The following ATP9A variants were observed in gnomAD, a reference collection of about 807,000 sequenced individuals.
ATP9A encodes the protein probable phospholipid-transporting ATPase IIA.
Under a neutral mutation model 144.1 loss-of-function variants are expected in ATP9A, and 52 were observed. The observed-to-expected ratio is 0.36, with a 90% CI of 0.29 to 0.45. ATP9A has a LOEUF of 0.45. Ranked by LOEUF, ATP9A falls within the 20% of genes least tolerant of loss-of-function variation. ATP9A has a pLI of 1.00. For synonymous variants in ATP9A, 582 were observed against 557.4 expected (o/e 1.04, Z -0.62); for missense variants, 947 against 1,392.7 (o/e 0.68, Z 5.09).
chr20:51,697,406 C>A lies in ATP9A; in HGVS notation c.495+18G>T, dbSNP rs192077399. The A allele has an allele frequency of 5.6e-4, 898 of 1,611,940 alleles. 4 individuals carry two copies. Among genetic ancestry groups the A allele is most frequent in the South Asian group, 3.6e-3 (324 of 90,672 alleles). ...CCATGAAGTGGTATCCACACACAAG[C>A]TTCCAGATTCTGCTCACCTTTTCAA... On this transcript the variant is annotated intron_variant, in intron 5 of 27. Coordinates refer to ENST00000338821, the MANE Select transcript of ATP9A (RefSeq NM_006045.3).
chr20:51,687,659 G>C (rs1330360814), intron 9 of ATP9A, among the ~76,000 whole-genome samples: 1 of 152,054 alleles, frequency 6.6e-6, no homozygotes, highest in Non-Finnish European at 1.5e-5. Context: ...AGCTGTTTGG[G>C]AGGCTGAGGC....
rs181981856 is a variant in ATP9A at position 51,668,917 on chromosome 20, C to A, written c.1293+1080G>T. On this transcript the variant is annotated intron_variant, in intron 13 of 27. Coordinates refer to ENST00000338821, the MANE Select transcript of ATP9A (RefSeq NM_006045.3). Reference sequence around the variant, plus strand: ...CAGAAAATTAAATGTCAGTTATGACCGTATCAAGAAGTATTCAGGGATTCT... The same window carrying A: ...CAGAAAATTAAATGTCAGTTATGACAGTATCAAGAAGTATTCAGGGATTCT... 2.0e-4 allele frequency among the ~76,000 whole-genome samples: 31 copies of A among 152,308 alleles called. No individual in the cohort carries two copies. The East Asian group carries it at 5.8e-3, about 28-fold the overall frequency.
Position 51,729,826 on chromosome 20 carries a change from G to A in ATP9A, c.213+8C>T, listed in dbSNP as rs753158601. The A allele has an allele frequency of 1.9e-6, 3 of 1,573,658 alleles. No homozygotes were observed. Among genetic ancestry groups the A allele is most frequent in the South Asian group, 2.4e-5 (2 of 84,454 alleles). ...AAAGAAAAGAGCACGGTCCCTGCCT[G>A]CACGTACCCCAGGAAGAAAGGTGAA... On this transcript the variant is annotated splice_region_variant and intron_variant, in intron 2 of 27. Transcript: ENST00000338821.
At position 51,639,343 on chromosome 20, in the gene ATP9A, C is replaced by T. The variant is rs2077308619; in HGVS notation, c.1668G>A (p.Arg556=). 6.2e-7 allele frequency: 1 copy of T among 1,611,082 alleles called. No homozygotes were observed. Among genetic ancestry groups the T allele is most frequent in the African/African-American group, 1.3e-5 (1 of 74,886 alleles). The change falls in exon 15 of 28, where the codon CGG becomes CGA. Residue 556 remains arginine (R), a splice_region_variant and synonymous_variant. Coordinates refer to ENST00000338821, the MANE Select transcript of ATP9A (RefSeq NM_006045.3). Reference sequence around the variant, plus strand: ...TAAGCCATGAATAAAAACGACTCACCCGCACGATGATGCCCATACGTTTGC... The same window carrying T: ...TAAGCCATGAATAAAAACGACTCACTCGCACGATGATGCCCATACGTTTGC... ...YESKRMGIIV[R]DESTGEITFY...
intron 1 of ATP9A, among the ~76,000 whole-genome samples, chr20:51,753,490 A>AAC (rs765187581): frequency 7.3e-6 from 1 of 137,244 alleles, no homozygotes; most frequent in African/African-American, 2.6e-5. Context: ...ACAACAACAA[A>AAC]CCCACGTTCT....
intron 9 of ATP9A, among the ~76,000 whole-genome samples, chr20:51,680,926 C>A (rs1261015206): frequency 6.6e-6 from 1 of 152,196 alleles, no homozygotes; most frequent in Non-Finnish European, 1.5e-5. Flanking sequence ...CAGATCACTG[C>A]TGTGCTCTCC....
intron 8 of ATP9A, among the ~76,000 whole-genome samples, chr20:51,689,529 T>C (rs1460663266): frequency 6.8e-6 from 1 of 147,672 alleles, no homozygotes; most frequent in South Asian, 2.2e-4. Context: ...TGTTGACCCA[T>C]ATTCCTAAAA....
intron 17 of ATP9A, 132 bp from the exon 18 acceptor site, chr20:51,625,494 A>AC: frequency 9.7e-7 from 1 of 1,031,200 alleles, no homozygotes; most frequent in Non-Finnish European, 1.4e-6. Flanking sequence ...GGTGAGCTGG[A>AC]CCCCACAGGG....
At position 51,767,605 on chromosome 20, in the gene ATP9A, G is replaced by A. The variant is rs143242738; in HGVS notation, c.68+697C>T. 8.1e-3 allele frequency among the ~76,000 whole-genome samples: 1,231 copies of A among 152,308 alleles called. 9 individuals carry two copies. Among genetic ancestry groups the A allele is most frequent in the South Asian group, 0.023 (113 of 4,832 alleles). On this transcript the variant is annotated intron_variant, in intron 1 of 27. Transcript: ENST00000338821. The stretch of plus-strand genomic sequence containing the variant: ...CCTCGGGGTCTCCTACTGCGGGAAG[G>A]GCACAGCAGGTGGCAGCCCCTGTCC...
intron 1 of ATP9A, among the ~76,000 whole-genome samples, chr20:51,764,419 A>C (rs923078033): frequency 2.6e-5 from 4 of 152,262 alleles, no homozygotes; most frequent in Non-Finnish European, 4.4e-5. Context: ...TCTCAACATC[A>C]GGATGTGGTA....
In ATP9A at chr20:51,696,062, G is replaced by A. The variant is rs745681221; in HGVS notation, c.547+31C>T. On this transcript the variant is annotated intron_variant, in intron 6 of 27. Transcript: ENST00000338821. Reference sequence around the variant, plus strand: ...CCAAATTACCACTGAAAGGTTAATGGTTATTTTCCAAATTGATCTCAGATG... The same window carrying A: ...CCAAATTACCACTGAAAGGTTAATGATTATTTTCCAAATTGATCTCAGATG... 1.0e-5 allele frequency: 16 copies of A among 1,592,542 alleles called. No homozygotes were observed. The East Asian group carries it at 3.1e-4, about 31-fold the overall frequency.
At chr20:51,709,779 G>T (rs1311782996) in intron 4 of ATP9A, among the ~76,000 whole-genome samples, 1 of 152,174 alleles carries the variant, frequency 6.6e-6, no homozygotes, top group Non-Finnish European at 1.5e-5. Context: ...TCTGGGTTAA[G>T]GGCATATTGG....
intron 15 of ATP9A, among the ~76,000 whole-genome samples, chr20:51,638,834 A>C (rs2077306479): frequency 6.6e-6 from 1 of 152,204 alleles, no homozygotes; most frequent in Non-Finnish European, 1.5e-5. Context: ...TAAAAGAGCC[A>C]GTAGAAAAAC....
intron 13 of ATP9A, among the ~76,000 whole-genome samples, chr20:51,661,526 CTTTTTTT>C (rs533280164): frequency 0.059 from 6,458 of 108,740 alleles, 405 homozygotes; most frequent in African/African-American, 0.19. Context: ...CCATGCCCAG[CTTTTTTT>C]TTTTTTTTTT....
rs908413521 is a variant in ATP9A at position 51,670,090 on chromosome 20, C to A, written c.1200G>T (p.Glu400Asp). ...CGAGATGGAGCCGTTTGAAAATCATCTCGTTCTGGGTAAGAGTGCCTAAAA... is the reference window on the plus strand; with the variant it reads ...CGAGATGGAGCCGTTTGAAAATCATATCGTTCTGGGTAAGAGTGCCTAAAA... The part of the protein sequence containing the change: ...TDKTGTLTQN[E>D]MIFKRLHLGT... The change falls in exon 13 of 28, where the codon GAG (glutamate) becomes GAT (aspartate). Residue 400 changes from glutamate to aspartate, a missense_variant. By Grantham distance (45) the Glu-to-Asp change is conservative. Transcript: ENST00000338821. 1.2e-6 allele frequency: 2 copies of A among 1,614,144 alleles called. No homozygotes were observed. The highest frequency in any genetic ancestry group is 2.2e-5 in the East Asian group (1 of 44,882).
rs755322258 is a variant in ATP9A at position 51,619,008 on chromosome 20, G to A, written c.2151C>T (p.Asn717=). 1.3e-5 allele frequency: 21 copies of A among 1,614,050 alleles called. No individual in the cohort carries two copies. The highest frequency in any genetic ancestry group is 1.0e-4 in the Admixed American group (6 of 60,002). The change falls in exon 20 of 28, where the codon AAC becomes AAT. Residue 717 remains asparagine, a synonymous_variant. Transcript: ENST00000338821. ...CACAATCATGCTTCCTGCGGAAGGC[G>A]TTCAGCTCGAGGTGAGCCTCCCCGC... ...TNRGEAHLEL[N]AFRRKHDCAL...
chr20:51,623,947 T>A (rs560421622), intron 18 of ATP9A, among the ~76,000 whole-genome samples: 150 of 152,176 alleles, frequency 9.9e-4, no homozygotes, highest in African/African-American at 2.9e-3. Flanking sequence ...ACATGCACAC[T>A]CTGTGAATAA....
In ATP9A at chr20:51,623,439, C is replaced by T. The variant is rs78466047; in HGVS notation, c.2017-1267G>A. ...TGTGAGAACCTGGGGAATGGAGACG[C>T]CTCACTTAGCCTCAGTTTCTACATC... On this transcript the variant is annotated intron_variant, in intron 18 of 27. Transcript: ENST00000338821. Among the ~76,000 whole-genome samples the T allele has an allele frequency of 2.0e-5, 3 of 152,236 alleles. No homozygotes were observed. In the East Asian group the frequency reaches 5.8e-4, roughly 29 times the overall value.
Position 51,749,870 on chromosome 20 carries a change from G to A in ATP9A, c.68+18432C>T, listed in dbSNP as rs150583753. Among the ~76,000 whole-genome samples the A allele has an allele frequency of 4.5e-3, 681 of 152,092 alleles. 6 individuals are homozygous for A. Among genetic ancestry groups the A allele is most frequent in the African/African-American group, 0.016 (646 of 41,510 alleles). ...TTCTAATCTAAAAATAAAATAGGCC[G>A]GGTGCAGTGGCTCATCCTGTAATCC... On this transcript the variant is annotated intron_variant, in intron 1 of 27. Coordinates refer to ENST00000338821, the MANE Select transcript of ATP9A (RefSeq NM_006045.3).
Sources: gnomAD v4.1 joint callset for allele counts (sites outside exome capture counted in the v4.1 genomes callset) on GRCh38, gnomAD v4.1.1 for gene constraint, MANE v1.5 for transcripts, NCBI Gene and HGNC (gene_info 2026-07-23, HGNC 2026-07-21) for gene names.